The following ZNF212 variants were observed in gnomAD, a reference collection of about 807,000 sequenced individuals.
ZNF212 encodes zinc finger protein 212, also known as Zinc finger protein C2H2-150.
A neutral mutation model predicts 47.3 loss-of-function variants in ZNF212; 32 were observed. The ratio of observed to expected loss-of-function variants is 0.68; its 90% CI spans 0.51 to 0.91. The LOEUF (loss-of-function observed/expected upper bound fraction) is 0.91, where lower values mean the gene tolerates loss of function less well. Among genes scored for constraint, ZNF212 ranks in the 40% least tolerant of loss-of-function variants. ZNF212 has a pLI of 0.00. For synonymous variants in ZNF212, 242 were observed against 253.8 expected, an observed-to-expected ratio of 0.95 and a Z score of 0.44; for missense variants, 555 against 622.8, an observed-to-expected ratio of 0.89 and a Z score of 1.16.
rs780347452 is a variant in ZNF212 at position 149,250,524 on chromosome 7, G to A, written c.390G>A (p.Pro130=). The change falls in exon 2 of 5, where the codon CCG becomes CCA. Residue 130 remains proline, a synonymous_variant. Transcript: ENST00000335870. ...NRNFWILRLP[P]GSKGEAPKVS... is the part of the protein sequence containing the mutation. ...ACTTCTGGATCCTGCGGCTGCCCCCGGGCAGCAAGGGGGAGGCCCCCAAGG... is the reference window on the plus strand; with the variant it reads ...ACTTCTGGATCCTGCGGCTGCCCCCAGGCAGCAAGGGGGAGGCCCCCAAGG... The A allele has an allele frequency of 9.3e-6, 15 of 1,613,020 alleles. No homozygotes were observed. The highest frequency in any genetic ancestry group is 3.3e-5 in the South Asian group (3 of 91,046).
rs1049725535 is a variant in ZNF212 at position 149,253,991 on chromosome 7, C to T, written c.1064C>T (p.Pro355Leu). ...GAGGAGCCAGAGGAGAGCCTTAGGC[C>T]CAGGCCACGGCTGAAACCACAGACC... ...TPEEPEESLR[P>L]RPRLKPQTKK... The change falls in exon 5 of 5, where the codon CCC (proline) becomes CTC (leucine). Residue 355 changes from proline to leucine, a missense_variant. Physicochemically the swap from Pro to Leu is moderately conservative, Grantham distance 98. Transcript: ENST00000335870. 1.2e-6 allele frequency: 2 copies of T among 1,613,796 alleles called. No homozygotes were observed. The highest frequency in any genetic ancestry group is 1.6e-4 in the Middle Eastern group (1 of 6,062).
At chr7:149,252,651 T>C (rs566589877) in intron 3 of ZNF212, 55 bp from the exon 4 acceptor site, 199 of 1,527,636 alleles carry the variant, frequency 1.3e-4, no homozygotes, top group Middle Eastern at 5.1e-4. Flanking sequence ...AGCTGATCAG[T>C]GTGCAGTGAG....
chr7:149,239,925 C>G, intron 1 of ZNF212, 123 bp downstream of exon 1: 1 of 1,115,528 alleles, frequency 9.0e-7, no homozygotes, highest in South Asian at 3.3e-5. Context: ...GCCGTTGGCG[C>G]GGGTGAACGC....
At position 149,254,561 on chromosome 7, in the gene ZNF212, G is replaced by C; in HGVS notation, c.*146G>C. 7.8e-7 allele frequency: 1 copy of C among 1,275,156 alleles called. No homozygotes were observed. The highest frequency in any genetic ancestry group is 1.6e-5 in the South Asian group (1 of 62,120). 79.0% of individuals were successfully genotyped at this position (1,275,156 alleles called of 1,614,324 possible). ...TCCCAGTACCAAGCCAAGCCCAAAG[G>C]CTGTCCTGAAAACCCTGTGGAAGAA... On this transcript the variant is annotated 3_prime_UTR_variant, in exon 5 of 5. Transcript: ENST00000335870. The surrounding 1 kb of genome is among the most constrained non-coding windows in gnomAD (Gnocchi z 4.5).
At position 149,239,733 on chromosome 7, in the gene ZNF212, CGGGGGCTCCGAG is replaced by C; in HGVS notation, c.-44_-33del. On this transcript the variant is annotated 5_prime_UTR_variant, in exon 1 of 5. Coordinates refer to ENST00000335870, the MANE Select transcript of ZNF212 (RefSeq NM_012256.4). Reference sequence around the variant, plus strand: ...GCGCCGAGCGGACAGGAACGCAGCACGGGGGCTCCGAGGCGGGGTCTGGGTGTTGAGGGGCGA... The same window carrying C: ...GCGCCGAGCGGACAGGAACGCAGCACGCGGGGTCTGGGTGTTGAGGGGCGA... 7.8e-7 allele frequency: 1 copy of C among 1,277,498 alleles called. No homozygotes were observed. The highest frequency in any genetic ancestry group is 3.4e-5 in the South Asian group (1 of 29,796). 79.1% of individuals were successfully genotyped at this position (1,277,498 alleles called of 1,614,324 possible).
chr7:149,254,372 G>C lies in ZNF212; in HGVS notation c.1445G>C (p.Gly482Ala). ...QHQKIHQRERGGLALEPGRPN... is the reference protein window; with the variant it reads ...QHQKIHQRERAGLALEPGRPN... ...CAGAAGATCCACCAGCGGGAGCGGG[G>C]TGGGCTGGCCCTGGAGCCCGGAAGG... Residue 482 changes from glycine to alanine, a missense_variant, in exon 5 of 5, where the codon GGT becomes GCT. Transcript: ENST00000335870. The surrounding 1 kb of genome is among the most constrained non-coding windows in gnomAD (Gnocchi z 4.5). 2 of 1,608,072 alleles carry C rather than the reference G, an allele frequency of 1.2e-6. No homozygotes were observed. Among genetic ancestry groups the C allele is most frequent in the Non-Finnish European group, 1.7e-6 (2 of 1,179,878 alleles).
At chr7:149,252,319 C>T (rs1796771977) in intron 3 of ZNF212, among the ~76,000 whole-genome samples, 1 of 152,146 alleles carries the variant, frequency 6.6e-6, no homozygotes, top group Non-Finnish European at 1.5e-5. Flanking sequence ...TTGTCTGTCC[C>T]AGTGCCCATC....
intron 1 of ZNF212, among the ~76,000 whole-genome samples, chr7:149,243,282 T>G (rs1796622097): frequency 6.6e-6 from 1 of 151,456 alleles, no homozygotes; most frequent in Non-Finnish European, 1.5e-5. Flanking sequence ...AGTCCCAGCT[T>G]CTTGGGAGGC....
chr7:149,249,137 C>T (rs967472439), intron 1 of ZNF212, among the ~76,000 whole-genome samples: 4 of 152,160 alleles, frequency 2.6e-5, no homozygotes, highest in Non-Finnish European at 2.9e-5. Context: ...GTGTTGGTTT[C>T]AGTAATTTTA....
At chr7:149,241,977 T>G (rs976855005) in intron 1 of ZNF212, among the ~76,000 whole-genome samples, 1 of 151,768 alleles carries the variant, frequency 6.6e-6, no homozygotes. Flanking sequence ...TGCCTGGCCA[T>G]AGTTTCGTTT....
chr7:149,243,642 A>T lies in ZNF212; in HGVS notation c.24+3840A>T, dbSNP rs371650339. ...GTAAAAGACTCAATTTACCAGCTAG[A>T]TACAAAATTTCTAAACCTGTATGCA... On this transcript the variant is annotated intron_variant, in intron 1 of 4. Transcript: ENST00000335870. 1.7e-4 allele frequency among the ~76,000 whole-genome samples: 26 copies of T among 152,328 alleles called. No individual in the cohort carries two copies. In the South Asian group the frequency reaches 5.0e-3, roughly 29 times the overall value.
intron 1 of ZNF212, among the ~76,000 whole-genome samples, chr7:149,242,967 G>A (rs2129524174): frequency 6.6e-6 from 1 of 152,186 alleles, no homozygotes; most frequent in Admixed American, 6.6e-5. Flanking sequence ...AGAAAGATGG[G>A]ATAAATAGCA....
At chr7:149,250,851 A>G (rs1563189047) in intron 3 of ZNF212, 44 bp downstream of exon 3, 2 of 1,608,890 alleles carry the variant, frequency 1.2e-6, no homozygotes, top group East Asian at 2.2e-5. Context: ...CAGACATACT[A>G]CAATTCCTGG....
Position 149,242,140 on chromosome 7 carries a change from G to A in ZNF212, c.24+2338G>A, listed in dbSNP as rs1296883167. On this transcript the variant is annotated intron_variant, in intron 1 of 4. Coordinates refer to ENST00000335870, the MANE Select transcript of ZNF212 (RefSeq NM_012256.4). ...GGTTCTAAGCGATTCTCCTGCCTCA[G>A]CCTCCGGAGTAGCTGGGATTACAGG... 3.3e-5 allele frequency among the ~76,000 whole-genome samples: 5 copies of A among 150,176 alleles called. No homozygotes were observed. The East Asian group carries it at 9.8e-4, about 29-fold the overall frequency.
intron 1 of ZNF212, among the ~76,000 whole-genome samples, chr7:149,241,993 CTTTCTTTTCTTCTTTTTCT>C (rs1350032010): frequency 6.9e-6 from 1 of 144,702 alleles, no homozygotes; most frequent in Non-Finnish European, 1.5e-5. Flanking sequence ...CGTTTCTTTT[CTTTCTTTTCTTCTTTTTCT>C]TTTCTTTTCT....
intron 1 of ZNF212, among the ~76,000 whole-genome samples, chr7:149,245,270 G>A (rs1282949442): frequency 6.7e-6 from 1 of 149,552 alleles, no homozygotes; most frequent in Non-Finnish European, 1.5e-5. Flanking sequence ...AGAATCACTT[G>A]AACCTGAGAC....
chr7:149,243,968 C>A (rs1012886155), intron 1 of ZNF212, among the ~76,000 whole-genome samples: 3 of 152,194 alleles, frequency 2.0e-5, no homozygotes, highest in Non-Finnish European at 4.4e-5. Flanking sequence ...CACTCTGTCA[C>A]CCAGGCTGGA....
chr7:149,250,767 A>C lies in ZNF212; in HGVS notation c.501A>C (p.Arg167Ser). The C allele has an allele frequency of 6.2e-7, 1 of 1,614,242 alleles. No individual in the cohort carries two copies. The highest frequency in any genetic ancestry group is 8.5e-7 in the Non-Finnish European group (1 of 1,180,044). Residue 167 changes from arginine (R) to serine (S), a missense_variant, in exon 3 of 5, where the codon AGA becomes AGC. Physicochemically the swap from Arg to Ser is moderately radical, Grantham distance 110. Transcript: ENST00000335870. ...NLEDWQKELY[R>S]NVMESNYETL... ...AGGATTGGCAGAAGGAGCTCTACAG[A>C]AACGTGATGGAGAGTAACTATGAGA...
At chr7:149,242,587 A>G (rs1796610038) in intron 1 of ZNF212, among the ~76,000 whole-genome samples, 1 of 152,226 alleles carries the variant, frequency 6.6e-6, no homozygotes. Context: ...ACTCTTAGAA[A>G]AGGAAATTCT....
Sources: gnomAD v4.1 joint callset for allele counts (sites outside exome capture counted in the v4.1 genomes callset) on GRCh38, gnomAD v4.1.1 for gene constraint, Gnocchi (gnomAD v3.1) non-coding constraint, MANE v1.5 for transcripts, NCBI Gene and HGNC (gene_info 2026-07-23, HGNC 2026-07-21) for gene names.